GALNT13: variants seen among roughly 807,000 people sequenced by gnomAD.
GALNT13 encodes the protein UDP-GalNAc:polypeptide N-acetylgalactosaminyltransferase 13.
In GALNT13, 28 loss-of-function variants were observed where a neutral mutation model predicts 64.2. The observed-to-expected ratio is 0.44, with a 90% CI of 0.32 to 0.60. The LOEUF is 0.60. Ranked by LOEUF, GALNT13 falls within the 20% of genes least tolerant of loss-of-function variation. The pLI is 0.05. For synonymous variants in GALNT13, 214 were observed against 224.6 expected, an observed-to-expected ratio of 0.95 and a Z score of 0.42; for missense variants, 577 against 669.8, an observed-to-expected ratio of 0.86 and a Z score of 1.53.
At chr2:153,542,407 A>G in the GALNT13 span, among the ~76,000 whole-genome samples, 3 of 152,162 alleles carry the variant, frequency 2.0e-5, no homozygotes, top group African/African-American at 7.2e-5. Context: ...GACTATTGCA[A>G]TAGGAGAAAA....
chr2:154,392,615 G>C (rs942799745), intron 9 of GALNT13, among the ~76,000 whole-genome samples: 1 of 152,196 alleles, frequency 6.6e-6, no homozygotes, highest in Non-Finnish European at 1.5e-5. Context: ...TTCAAAGTGA[G>C]TATAAATGAA....
At chr2:154,399,702 T>TA (rs1699212112) in intron 10 of GALNT13, among the ~76,000 whole-genome samples, 1 of 152,140 alleles carries the variant, frequency 6.6e-6, no homozygotes, top group Non-Finnish European at 1.5e-5. Context: ...CACCATGAAT[T>TA]TTGGATAAAG....
chr2:153,087,471 A>T, the GALNT13 span, among the ~76,000 whole-genome samples: 2 of 152,030 alleles, frequency 1.3e-5, no homozygotes, highest in Admixed American at 6.6e-5. Context: ...TGGTTTTGCT[A>T]TTAGGGTGAT....
chr2:153,769,389 C>T, the GALNT13 span, among the ~76,000 whole-genome samples: 3 of 151,912 alleles, frequency 2.0e-5, no homozygotes, highest in Non-Finnish European at 2.9e-5. Flanking sequence ...CCCTCCCCCA[C>T]CCCAATGCTA....
chr2:153,263,008 A>G, the GALNT13 span, among the ~76,000 whole-genome samples: 1 of 152,030 alleles, frequency 6.6e-6, no homozygotes, highest in Non-Finnish European at 1.5e-5. Context: ...AGAAAGTTAA[A>G]TTGTCTCTGT....
At chr2:154,273,804 C>T (rs1054035887) in intron 8 of GALNT13, among the ~76,000 whole-genome samples, 2 of 152,010 alleles carry the variant, frequency 1.3e-5, no homozygotes, top group Non-Finnish European at 2.9e-5. Context: ...CCCAGTCTTT[C>T]AGTGTTGCAT....
intron 3 of GALNT13, among the ~76,000 whole-genome samples, chr2:153,956,543 G>T (rs1302756045): frequency 1.3e-5 from 2 of 151,110 alleles, no homozygotes; most frequent in South Asian, 2.1e-4. Flanking sequence ...TTTACTCTAG[G>T]GCAAGAATTT....
the GALNT13 span, among the ~76,000 whole-genome samples, chr2:153,179,615 T>A: frequency 6.6e-6 from 1 of 152,300 alleles, no homozygotes; most frequent in Admixed American, 6.5e-5. Flanking sequence ...TGATGGAAAT[T>A]GCATTGAATT....
At chr2:153,806,775 T>A in the GALNT13 span, among the ~76,000 whole-genome samples, 1 of 151,618 alleles carries the variant, frequency 6.6e-6, no homozygotes, top group African/African-American at 2.4e-5. Flanking sequence ...GTAGGCCAAA[T>A]GATTCAGATT....
In GALNT13 at chr2:153,883,064, A is replaced by G. The variant is rs897687437; in HGVS notation, c.-177+10761A>G. Among the ~76,000 whole-genome samples the G allele has an allele frequency of 2.9e-5, 4 of 138,814 alleles. No individual in the cohort carries two copies. The South Asian group carries it at 9.9e-4, about 34-fold the overall frequency. The allele number at this position is 138,814 out of a possible 152,430, so 91.1% of individuals were successfully genotyped here. ...TATATATATATCTATATATACACAC[A>G]TATATATGTATATTATATATATATA... On this transcript the variant is annotated intron_variant, in intron 1 of 12. Transcript: ENST00000392825.
the GALNT13 span, among the ~76,000 whole-genome samples, chr2:153,822,113 G>A: frequency 6.6e-6 from 1 of 152,196 alleles, no homozygotes; most frequent in East Asian, 1.9e-4. Context: ...GCCAAACAGA[G>A]CTCTGGACCA....
At chr2:153,327,269 A>G in the GALNT13 span, among the ~76,000 whole-genome samples, 4 of 151,904 alleles carry the variant, frequency 2.6e-5, no homozygotes, top group African/African-American at 4.8e-5. Flanking sequence ...GAATCTGACA[A>G]TTATGTGTCT....
At chr2:153,992,519 C>A (rs1695229088) in intron 3 of GALNT13, among the ~76,000 whole-genome samples, 1 of 152,066 alleles carries the variant, frequency 6.6e-6, no homozygotes, top group Non-Finnish European at 1.5e-5. Context: ...ACATATAATT[C>A]ATTGAAAAAT....
chr2:153,749,678 GT>G, the GALNT13 span, among the ~76,000 whole-genome samples: 18 of 151,796 alleles, frequency 1.2e-4, no homozygotes, highest in Non-Finnish European at 2.1e-4. Flanking sequence ...ATTTTTGTAT[GT>G]TGATTTTGCA....
At chr2:154,364,196 T>C (rs57276544) in intron 9 of GALNT13, among the ~76,000 whole-genome samples, 184 of 147,582 alleles carry the variant, frequency 1.2e-3, no homozygotes, top group African/African-American at 4.8e-3. Context: ...ACAACTGTTA[T>C]AGTTATAGAA....
chr2:153,552,095 T>C, the GALNT13 span, among the ~76,000 whole-genome samples: 2 of 152,112 alleles, frequency 1.3e-5, no homozygotes, highest in Non-Finnish European at 1.5e-5. Context: ...TCTGGTAGGT[T>C]GAGATGATGA....
the GALNT13 span, among the ~76,000 whole-genome samples, chr2:153,480,646 A>G: frequency 6.6e-6 from 1 of 152,220 alleles, no homozygotes; most frequent in Non-Finnish European, 1.5e-5. Context: ...CTCAAGAATA[A>G]TAAAACGTAA....
intron 8 of GALNT13, among the ~76,000 whole-genome samples, chr2:154,298,672 TTG>T (rs1367633706): frequency 1.2e-4 from 5 of 41,682 alleles, no homozygotes; most frequent in African/African-American, 3.9e-4. Context: ...TATATATACA[TTG>T]TATATACAAT....
intron 4 of GALNT13, among the ~76,000 whole-genome samples, chr2:154,195,579 T>C (rs1397113896): frequency 2.0e-5 from 3 of 152,136 alleles, no homozygotes; most frequent in Non-Finnish European, 4.4e-5. Flanking sequence ...TTGTCTTTGC[T>C]CCTTATACTT....
Sources: allele counts gnomAD v4.1 joint callset (sites outside exome capture counted in the v4.1 genomes callset), GRCh38; gene constraint gnomAD v4.1.1; transcripts MANE v1.5; gene names NCBI Gene and HGNC (gene_info 2026-07-23, HGNC 2026-07-21).